PIK3C2G: variants seen among roughly 807,000 people sequenced by gnomAD.
PIK3C2G encodes the protein phosphatidylinositol 3-kinase C2 domain-containing subunit gamma.
Under a neutral mutation model 181.1 loss-of-function variants are expected in PIK3C2G, and 168 were observed. The ratio of observed to expected loss-of-function variants is 0.93; its 90% CI spans 0.82 to 1.05. The LOEUF is 1.05. Ranked by LOEUF, PIK3C2G falls within the 50% of genes least tolerant of loss-of-function variation. PIK3C2G has a pLI of 0.00. For missense variants in PIK3C2G, 1,869 were observed against 1,732.8 expected, an observed-to-expected ratio of 1.08 and a Z score of -1.40; for synonymous variants, 573 against 592.2, an observed-to-expected ratio of 0.97 and a Z score of 0.47.
chr12:18,622,733 A>G (rs1455473927), intron 31 of PIK3C2G, among the ~76,000 whole-genome samples: 1 of 151,776 alleles, frequency 6.6e-6, no homozygotes, highest in Non-Finnish European at 1.5e-5. Flanking sequence ...TGTCTTTTTG[A>G]TAATAGCTAT....
chr12:18,537,891 T>C (rs1455352523), intron 24 of PIK3C2G, among the ~76,000 whole-genome samples: 1 of 151,982 alleles, frequency 6.6e-6, no homozygotes, highest in Non-Finnish European at 1.5e-5. Flanking sequence ...AATATTCCCC[T>C]CCAAATGTAA....
chr12:18,579,153 T>C (rs1946370401), intron 29 of PIK3C2G, among the ~76,000 whole-genome samples: 1 of 152,136 alleles, frequency 6.6e-6, no homozygotes, highest in East Asian at 1.9e-4. Context: ...TTTAAGTTGG[T>C]TGCAGACAAG....
chr12:18,614,956 C>T (rs1948524664), intron 31 of PIK3C2G, among the ~76,000 whole-genome samples: 1 of 151,874 alleles, frequency 6.6e-6, no homozygotes, highest in Non-Finnish European at 1.5e-5. Flanking sequence ...TCTATAATTA[C>T]TTTTCTTTTC....
Position 18,399,847 on chromosome 12 carries a change from G to A in PIK3C2G, c.2315G>A (p.Ser772Asn). 6.4e-7 allele frequency: 1 copy of A among 1,559,140 alleles called. No homozygotes were observed. Among genetic ancestry groups the A allele is most frequent in the Non-Finnish European group, 8.8e-7 (1 of 1,142,422 alleles). Residue 772 changes from serine to asparagine, a missense_variant and splice_region_variant, in exon 16 of 33, where the codon AGT becomes AAT. Ser to Asn is a conservative substitution (Grantham distance 46, BLOSUM62 1). Transcript: ENST00000538779. ...PLEALGLLTS[S>N]FPDQEIRKVA... ...GAGGCTCTTGGGCTTTTGACTTCCAGGTAAGAATTGCATAACAAGCATGAT... is the reference window on the plus strand; with the variant it reads ...GAGGCTCTTGGGCTTTTGACTTCCAAGTAAGAATTGCATAACAAGCATGAT...
intron 5 of PIK3C2G, among the ~76,000 whole-genome samples, chr12:18,308,429 A>G (rs1426110361): frequency 6.6e-6 from 1 of 151,800 alleles, no homozygotes; most frequent in Admixed American, 6.6e-5. Context: ...TACTTCAACA[A>G]AATAAACAAT....
chr12:18,307,106 G>T (rs1317491147), intron 5 of PIK3C2G, among the ~76,000 whole-genome samples: 1 of 148,872 alleles, frequency 6.7e-6, no homozygotes, highest in African/African-American at 2.5e-5. Context: ...ACAAATTTGA[G>T]TACTTATCAC....
At chr12:18,335,999 A>C (rs576609276) in intron 8 of PIK3C2G, among the ~76,000 whole-genome samples, 81 of 151,908 alleles carry the variant, frequency 5.3e-4, no homozygotes, top group African/African-American at 1.9e-3. Context: ...TTTACTTAGA[A>C]CAGATGAATG....
At chr12:18,418,785 C>T (rs1044276558) in intron 16 of PIK3C2G, among the ~76,000 whole-genome samples, 2 of 152,016 alleles carry the variant, frequency 1.3e-5, no homozygotes, top group African/African-American at 4.8e-5. Context: ...ACTAAATGAG[C>T]CTGCCCTCAA....
chr12:18,415,749 A>C (rs538123370), intron 16 of PIK3C2G, among the ~76,000 whole-genome samples: 1 of 152,366 alleles, frequency 6.6e-6, no homozygotes, highest in South Asian at 2.1e-4. Flanking sequence ...GTGAAGACAG[A>C]CTGATAAGAA....
chr12:18,440,602 G>A (rs12582493), intron 18 of PIK3C2G, among the ~76,000 whole-genome samples: 42 of 152,160 alleles, frequency 2.8e-4, no homozygotes, highest in South Asian at 2.3e-3. Context: ...AAGTAATAGC[G>A]TGTGCAAAGG....
chr12:18,646,525 T>C (rs1412417103), intron 32 of PIK3C2G, among the ~76,000 whole-genome samples: 1 of 152,132 alleles, frequency 6.6e-6, no homozygotes, highest in Non-Finnish European at 1.5e-5. Flanking sequence ...GATAACGTAA[T>C]GAAAGGTAAG....
chr12:18,720,125 C>T, the PIK3C2G span, among the ~76,000 whole-genome samples: 1 of 151,960 alleles, frequency 6.6e-6, no homozygotes, highest in South Asian at 2.1e-4. Context: ...TTTTTTGTAC[C>T]TGGTTTCTTT....
At chr12:18,274,704 A>G (rs1490616322) in intron 1 of PIK3C2G, among the ~76,000 whole-genome samples, 1 of 152,126 alleles carries the variant, frequency 6.6e-6, no homozygotes. Flanking sequence ...CCTAATGCTA[A>G]ATGATGAGTT....
intron 10 of PIK3C2G, among the ~76,000 whole-genome samples, 177 bp from the exon 11 acceptor site, chr12:18,346,464 A>C (rs1307261587): frequency 6.6e-6 from 1 of 152,208 alleles, no homozygotes; most frequent in African/African-American, 2.4e-5. Context: ...CTAATCTAGC[A>C]GCAACTAAAC....
At chr12:18,465,406 T>C (rs1463355949) in intron 18 of PIK3C2G, among the ~76,000 whole-genome samples, 1 of 151,986 alleles carries the variant, frequency 6.6e-6, no homozygotes, top group Non-Finnish European at 1.5e-5. Context: ...TTTGCTTTCT[T>C]TGTCCATCAT....
At chr12:18,348,570 C>T (rs537992066) in intron 11 of PIK3C2G, among the ~76,000 whole-genome samples, 2 of 152,230 alleles carry the variant, frequency 1.3e-5, no homozygotes, top group South Asian at 4.1e-4. Context: ...CCATTCATTA[C>T]TGGAACAAAC....
chr12:18,658,984 T>A, the PIK3C2G span, among the ~76,000 whole-genome samples: 9 of 152,162 alleles, frequency 5.9e-5, no homozygotes, highest in African/African-American at 2.2e-4. Context: ...ATGCAAGGAA[T>A]AACTCATGCT....
intron 3 of PIK3C2G, among the ~76,000 whole-genome samples, chr12:18,289,006 C>G (rs1269142635): frequency 6.6e-6 from 1 of 151,724 alleles, no homozygotes; most frequent in East Asian, 1.9e-4. Context: ...TGAAAAGAAG[C>G]CATAAGTTAT....
At chr12:18,570,365 C>A (rs573954405) in intron 29 of PIK3C2G, among the ~76,000 whole-genome samples, 1 of 150,770 alleles carries the variant, frequency 6.6e-6, no homozygotes, top group Non-Finnish European at 1.5e-5. Flanking sequence ...CCCACCACCA[C>A]ACCCAGCCTA....
Sources: allele counts gnomAD v4.1 joint callset (sites outside exome capture counted in the v4.1 genomes callset), GRCh38; gene constraint gnomAD v4.1.1; transcripts MANE v1.5; gene names NCBI Gene and HGNC (gene_info 2026-07-23, HGNC 2026-07-21).